NRCAM: variants seen among roughly 807,000 people sequenced by gnomAD.
NRCAM encodes neuronal cell adhesion molecule.
In NRCAM, 83 loss-of-function variants were observed where a neutral mutation model predicts 156.5. The observed-to-expected ratio is 0.53, with a 90% CI of 0.44 to 0.64. NRCAM has a LOEUF of 0.64. Ranked by LOEUF, NRCAM falls within the 30% of genes least tolerant of loss-of-function variation. NRCAM has a pLI of 0.00. For synonymous variants in NRCAM, 538 were observed against 563.9 expected (o/e 0.95, Z 0.65); for missense variants, 1,417 against 1,597.3 (o/e 0.89, Z 1.92).
At chr7:108,449,975 A>G (rs1242074208) in intron 1 of NRCAM, among the ~76,000 whole-genome samples, 1 of 151,856 alleles carries the variant, frequency 6.6e-6, no homozygotes, top group Non-Finnish European at 1.5e-5. Flanking sequence ...TTAAACATAT[A>G]TATATATTCA....
intron 1 of NRCAM, among the ~76,000 whole-genome samples, chr7:108,435,779 A>G (rs1035593605): frequency 4.6e-5 from 7 of 152,376 alleles, no homozygotes; most frequent in South Asian, 4.1e-4. Flanking sequence ...ACAGAGATCT[A>G]TATCTGGGCA....
intron 1 of NRCAM, among the ~76,000 whole-genome samples, chr7:108,418,434 T>C (rs980747535): frequency 4.6e-5 from 7 of 152,092 alleles, no homozygotes; most frequent in Admixed American, 3.3e-4. Context: ...AGCATAATAA[T>C]AGATGGGACA....
At chr7:108,393,802 C>T (rs892775001) in intron 2 of NRCAM, among the ~76,000 whole-genome samples, 1 of 152,146 alleles carries the variant, frequency 6.6e-6, no homozygotes. Flanking sequence ...AGAGCCAGTA[C>T]CTTATCACAG....
chr7:108,355,082 C>A (rs572498963), intron 2 of NRCAM, among the ~76,000 whole-genome samples: 63 of 152,242 alleles, frequency 4.1e-4, no homozygotes, highest in African/African-American at 1.4e-3. Context: ...AGAATTGAAG[C>A]CTTATTATCA....
At chr7:108,403,875 T>C (rs375885274) in intron 1 of NRCAM, among the ~76,000 whole-genome samples, 61 of 152,320 alleles carry the variant, frequency 4.0e-4, no homozygotes, top group African/African-American at 1.4e-3. Context: ...CAAAGTGAAA[T>C]TGTTCTCTGA....
At chr7:108,343,791 G>A (rs888641356) in intron 2 of NRCAM, among the ~76,000 whole-genome samples, 4 of 152,084 alleles carry the variant, frequency 2.6e-5, no homozygotes, top group African/African-American at 9.7e-5. Flanking sequence ...CTATCAAGCA[G>A]ATATAGTCAG....
At position 108,288,812 on chromosome 7, in the gene NRCAM, C is replaced by T. The variant is rs145909759; in HGVS notation, c.-107+23853G>A. Among the ~76,000 whole-genome samples the T allele has an allele frequency of 3.0e-4, 46 of 152,222 alleles. 1 individual carries two copies. The highest frequency in any genetic ancestry group is 1.1e-3 in the African/African-American group (46 of 41,564). ...TAACTAACCATATAGACCATCACTA[C>T]TGAATTTGTTTGTGATTTTTATTTT... On this transcript the variant is annotated intron_variant, in intron 3 of 32. Coordinates refer to ENST00000379028, the MANE Select transcript of NRCAM (RefSeq NM_001037132.4).
chr7:108,184,259 A>G lies in NRCAM; in HGVS notation c.2286T>C (p.Asn762=). 2.5e-6 allele frequency: 4 copies of G among 1,614,132 alleles called. No homozygotes were observed. Among genetic ancestry groups the G allele is most frequent in the Non-Finnish European group, 3.4e-6 (4 of 1,180,004 alleles). Residue 762 remains asparagine, a synonymous_variant, in exon 22 of 33, where the codon AAT becomes AAC. Coordinates refer to ENST00000379028, the MANE Select transcript of NRCAM (RefSeq NM_001037132.4). ...AGCTCACCTTCCACGTAATCACCAA[A>G]TTATCAGGCTCTGATCCCAGTCCTT... The part of the protein sequence containing the change: ...AVEGLGSEPD[N]LVITWKPLNG...
intron 2 of NRCAM, among the ~76,000 whole-genome samples, chr7:108,318,607 C>G (rs1244091830): frequency 6.6e-6 from 1 of 152,140 alleles, no homozygotes; most frequent in Non-Finnish European, 1.5e-5. Flanking sequence ...TTGAGCAGCT[C>G]AGAGTCTCAG....
intron 3 of NRCAM, among the ~76,000 whole-genome samples, chr7:108,259,847 G>A (rs2153986234): frequency 6.6e-6 from 1 of 152,258 alleles, no homozygotes; most frequent in Non-Finnish European, 1.5e-5. Context: ...CTGTCGGCGG[G>A]TGGAGGGAGA....
chr7:108,339,907 C>T (rs905580955), intron 2 of NRCAM, among the ~76,000 whole-genome samples: 4 of 152,142 alleles, frequency 2.6e-5, no homozygotes, highest in African/African-American at 9.7e-5. Context: ...TTATATTCTT[C>T]TGCATTACCT....
At chr7:108,312,772 AT>A (rs1242701921) in intron 2 of NRCAM, 41 bp from the exon 3 acceptor site, 1 of 152,140 alleles carries the variant, frequency 6.6e-6, no homozygotes, top group Non-Finnish European at 1.5e-5. Flanking sequence ...CACGACATTG[AT>A]TGTCATCAAT....
At chr7:108,332,943 G>T (rs921172782) in intron 2 of NRCAM, among the ~76,000 whole-genome samples, 2 of 152,090 alleles carry the variant, frequency 1.3e-5, no homozygotes, top group African/African-American at 4.8e-5. Flanking sequence ...AAAAAAGGAG[G>T]TTGTAAAACA....
At position 108,180,266 on chromosome 7, in the gene NRCAM, C is replaced by T. The variant is rs1290658881; in HGVS notation, c.2808G>A (p.Glu936=). The change falls in exon 25 of 33, where the codon GAG becomes GAA. Residue 936 remains glutamate (E), a synonymous_variant. Transcript: ENST00000379028. ...AGACTCTGTCAGGGCTGGCTGGGCC[C>T]TCCCCTTTCCCATTGACCACTCGGA... ...LNVRVVNGKG[E]GPASPDRVFN... The T allele has an allele frequency of 1.2e-6, 2 of 1,614,218 alleles. No individual in the cohort carries two copies. The highest frequency in any genetic ancestry group is 2.2e-5 in the South Asian group (2 of 91,084).
chr7:108,272,628 C>T (rs2097404052), intron 3 of NRCAM, among the ~76,000 whole-genome samples: 1 of 151,736 alleles, frequency 6.6e-6, no homozygotes, highest in Non-Finnish European at 1.5e-5. Flanking sequence ...ATATACATAG[C>T]ACCCTATTTT....
chr7:108,416,630 A>T (rs2154427359), intron 1 of NRCAM, among the ~76,000 whole-genome samples: 1 of 152,314 alleles, frequency 6.6e-6, no homozygotes, highest in East Asian at 1.9e-4. Flanking sequence ...AATACCCCCA[A>T]GGAAAAACTT....
At chr7:108,305,373 A>G (rs574861479) in intron 3 of NRCAM, among the ~76,000 whole-genome samples, 1 of 152,056 alleles carries the variant, frequency 6.6e-6, no homozygotes, top group African/African-American at 2.4e-5. Context: ...TAAATATGGT[A>G]CTTTTGTCTA....
intron 3 of NRCAM, among the ~76,000 whole-genome samples, chr7:108,256,018 C>A (rs1325853694): frequency 3.5e-4 from 51 of 147,328 alleles, no homozygotes; most frequent in Admixed American, 6.7e-4. Flanking sequence ...GGGCAGCCCC[C>A]GCCCGGCCAG....
intron 1 of NRCAM, among the ~76,000 whole-genome samples, chr7:108,442,517 T>A (rs1018888883): frequency 6.6e-6 from 1 of 152,198 alleles, no homozygotes. Context: ...GAACAGGGAA[T>A]AAGATGGGGT....
Sources: allele counts gnomAD v4.1 joint callset (sites outside exome capture counted in the v4.1 genomes callset), GRCh38; gene constraint gnomAD v4.1.1; transcripts MANE v1.5; gene names NCBI Gene and HGNC (gene_info 2026-07-23, HGNC 2026-07-21).